RNF180: variants seen among roughly 807,000 people sequenced by gnomAD.
The protein encoded by RNF180 is ring finger protein 180.
RNF180 carries 38 observed loss-of-function variants against 59.2 expected under a neutral mutation model. That is an observed-to-expected ratio of 0.64 (90% CI 0.50 to 0.84). The LOEUF (loss-of-function observed/expected upper bound fraction) is 0.84. Among genes scored for constraint, RNF180 ranks in the 40% least tolerant of loss-of-function variants. RNF180 has a pLI of 0.00. For synonymous variants in RNF180, 262 were observed against 240.3 expected (o/e 1.09, Z -0.84); for missense variants, 705 against 700.9 (o/e 1.01, Z -0.07).
intron 1 of RNF180, chr5:64,166,217 T>TC (rs941357589): frequency 6.6e-6 from 1 of 152,354 alleles, no homozygotes. Context: ...AGGTTGGAAT[T>TC]ACACAGGGTC....
At chr5:64,188,698 T>G (rs1750988958) in intron 1 of RNF180, among the ~76,000 whole-genome samples, 1 of 152,156 alleles carries the variant, frequency 6.6e-6, no homozygotes. Context: ...TTTTACCCTT[T>G]GAGAAATATT....
chr5:64,322,603 G>A lies in RNF180; in HGVS notation c.1228-2583G>A, dbSNP rs542089785. Among the ~76,000 whole-genome samples the A allele has an allele frequency of 6.3e-4, 11 of 17,548 alleles. No homozygotes were observed. The East Asian group carries it at 0.034, about 54-fold the overall frequency. 11.5% of individuals were successfully genotyped at this position (17,548 alleles called of 152,430 possible). A position where few individuals can be genotyped will look rare whatever the true frequency, so the allele number is the denominator to read the frequency against. On this transcript the variant is annotated intron_variant, in intron 5 of 7. Transcript: ENST00000389100. The stretch of plus-strand genomic sequence containing the variant: ...TATATATAACGGAATATATATATAC[G>A]TGTGTGTGTGTGTGTGTGTGTGTGT...
chr5:64,318,636 A>G (rs1280007878), intron 5 of RNF180, among the ~76,000 whole-genome samples: 4 of 152,184 alleles, frequency 2.6e-5, no homozygotes, highest in Admixed American at 6.5e-5. Context: ...TAGTGAAAGC[A>G]AAGTGATACT....
chr5:64,292,678 C>A (rs1422430869), intron 5 of RNF180, among the ~76,000 whole-genome samples: 6 of 152,192 alleles, frequency 3.9e-5, no homozygotes, highest in African/African-American at 1.2e-4. Context: ...ACTGGGAAAC[C>A]CTTCCTTGTC....
chr5:64,174,629 A>G (rs989946546), intron 1 of RNF180, among the ~76,000 whole-genome samples: 19 of 152,092 alleles, frequency 1.2e-4, no homozygotes, highest in African/African-American at 4.3e-4. Context: ...ACATCTATTC[A>G]GGTCTTTTGC....
intron 7 of RNF180, among the ~76,000 whole-genome samples, chr5:64,352,358 T>TGGATTCA: frequency 6.6e-6 from 1 of 152,214 alleles, no homozygotes; most frequent in African/African-American, 2.4e-5. Flanking sequence ...AACCAGCTCC[T>TGGATTCA]GGATTCATTG....
At chr5:64,337,234 TC>T (rs1244910918) in intron 7 of RNF180, among the ~76,000 whole-genome samples, 6 of 152,094 alleles carry the variant, frequency 3.9e-5, no homozygotes, top group Non-Finnish European at 7.4e-5. Flanking sequence ...GGTCTTGAAC[TC>T]CTAGCTCAAG....
At position 64,258,985 on chromosome 5, in the gene RNF180, C is replaced by A. The variant is rs139106612; in HGVS notation, c.1227+41589C>A. On this transcript the variant is annotated intron_variant, in intron 5 of 7. Coordinates refer to ENST00000389100, the MANE Select transcript of RNF180 (RefSeq NM_001113561.2). ...TTTTAAGTGATAGCAGACAAGAGGA[C>A]AGCAGTGGGTAGGAGAAGAAGCTTA... Among the ~76,000 whole-genome samples, 72 of 152,220 alleles carry A rather than the reference C, an allele frequency of 4.7e-4. 1 individual carries two copies. The East Asian group carries it at 0.014, about 29-fold the overall frequency.
intron 7 of RNF180, among the ~76,000 whole-genome samples, chr5:64,344,050 C>T (rs1410519872): frequency 6.6e-6 from 1 of 151,662 alleles, no homozygotes; most frequent in Non-Finnish European, 1.5e-5. Flanking sequence ...CTAGAGACAT[C>T]ATCTAGAGCA....
rs1286514264 is a variant in RNF180 at position 64,228,599 on chromosome 5, T to G, written c.1227+11203T>G. 3.9e-5 allele frequency among the ~76,000 whole-genome samples: 6 copies of G among 152,270 alleles called. 1 individual carries two copies. The highest frequency in any genetic ancestry group is 9.6e-5 in the African/African-American group (4 of 41,556). On this transcript the variant is annotated intron_variant, in intron 5 of 7. Transcript: ENST00000389100. ...TAATCTGGAATGCTATTAATTATGTTTTATTTCTTAAGCTGGGCAGTATTA... is the reference window on the plus strand; with the variant it reads ...TAATCTGGAATGCTATTAATTATGTGTTATTTCTTAAGCTGGGCAGTATTA...
intron 1 of RNF180, among the ~76,000 whole-genome samples, chr5:64,196,505 G>A (rs1751465396): frequency 6.6e-6 from 1 of 152,004 alleles, no homozygotes; most frequent in Non-Finnish European, 1.5e-5. Flanking sequence ...TTTAAGATGA[G>A]CATGTTTTTT....
intron 1 of RNF180, among the ~76,000 whole-genome samples, chr5:64,197,519 A>G (rs1026340647): frequency 3.3e-5 from 5 of 152,222 alleles, no homozygotes; most frequent in Admixed American, 2.0e-4. Context: ...GTGACAATCT[A>G]TACTAGGAGT....
chr5:64,298,505 A>G (rs1264884653), intron 5 of RNF180, among the ~76,000 whole-genome samples: 1 of 152,022 alleles, frequency 6.6e-6, no homozygotes, highest in African/African-American at 2.4e-5. Context: ...TCCTTTATGC[A>G]GTGAAACTTT....
chr5:64,210,767 A>G (rs1171228347), intron 2 of RNF180, among the ~76,000 whole-genome samples: 1 of 152,164 alleles, frequency 6.6e-6, no homozygotes, highest in Non-Finnish European at 1.5e-5. Flanking sequence ...TTTTGAAGAT[A>G]CCTTTCTCCT....
intron 1 of RNF180, among the ~76,000 whole-genome samples, chr5:64,167,465 C>T (rs1749707683): frequency 6.6e-6 from 1 of 151,660 alleles, no homozygotes; most frequent in South Asian, 2.1e-4. Context: ...ATTTTTTCTT[C>T]GAAAATTCAA....
At chr5:64,204,988 C>T (rs1402694329) in intron 2 of RNF180, among the ~76,000 whole-genome samples, 1 of 152,102 alleles carries the variant, frequency 6.6e-6, no homozygotes, top group Non-Finnish European at 1.5e-5. Flanking sequence ...ACATCAATAG[C>T]TGTTGACTCC....
intron 5 of RNF180, among the ~76,000 whole-genome samples, chr5:64,266,372 G>T (rs1402752740): frequency 6.6e-6 from 1 of 151,362 alleles, no homozygotes; most frequent in Non-Finnish European, 1.5e-5. Context: ...TTTAAATATC[G>T]AATTCATTTA....
intron 7 of RNF180, among the ~76,000 whole-genome samples, chr5:64,349,135 G>A (rs778674255): frequency 1.5e-4 from 23 of 152,020 alleles, no homozygotes; most frequent in Non-Finnish European, 3.1e-4. Context: ...TGAACATTTA[G>A]CATACATAAC....
At chr5:64,172,716 G>A (rs959694495) in intron 1 of RNF180, among the ~76,000 whole-genome samples, 8 of 152,216 alleles carry the variant, frequency 5.3e-5, no homozygotes, top group African/African-American at 1.7e-4. Flanking sequence ...CACGAACAAA[G>A]AGGTCCTCCG....
Sources: gnomAD v4.1 joint callset for allele counts (sites outside exome capture counted in the v4.1 genomes callset) on GRCh38, gnomAD v4.1.1 for gene constraint, MANE v1.5 for transcripts, NCBI Gene and HGNC (gene_info 2026-07-23, HGNC 2026-07-21) for gene names.